Variants in SHANK2 observed in about 807,000 individuals in gnomAD.
SHANK2 encodes SH3 and multiple ankyrin repeat domains protein 2.
A neutral mutation model predicts 133.7 loss-of-function variants in SHANK2; 43 were observed. The observed-to-expected ratio is 0.32, with a 90% CI of 0.25 to 0.41. SHANK2 has a LOEUF of 0.41. Among genes scored for constraint, SHANK2 ranks in the 10% least tolerant of loss-of-function variants. The probability of loss-of-function intolerance (pLI) is 1.00; values close to 1 mark genes in which losing one functional copy is unlikely to be tolerated. For synonymous variants in SHANK2, 1,017 were observed against 952.8 expected (o/e 1.07, Z -1.24); for missense variants, 1,994 against 2,235.8 (o/e 0.89, Z 2.18).
chr11:70,649,400 C>A (rs1005620638), intron 17 of SHANK2, among the ~76,000 whole-genome samples: 5 of 152,178 alleles, frequency 3.3e-5, no homozygotes, highest in Admixed American at 1.3e-4. Context: ...AGCTCTAACT[C>A]CCCTTCTCAT....
chr11:70,487,702 C>T lies in SHANK2; in HGVS notation c.2591G>A (p.Arg864Gln), dbSNP rs782174860. The stretch of plus-strand genomic sequence containing the variant: ...CAGCATTGGAGGAGCCAGAAACTGC[C>T]GCTCTTCCTCTGTTATTCCTACAAG... ...IFLSGITEEE[R>Q]QFLAPPMLKF... The change falls in exon 25 of 26, where the codon CGG becomes CAG. Residue 864 changes from arginine to glutamine, a missense_variant. Transcript: ENST00000601538. The surrounding 1 kb of genome is among the most constrained non-coding windows in gnomAD (Gnocchi z 5.8). The T allele has an allele frequency of 5.1e-6, 8 of 1,565,426 alleles. No homozygotes were observed. Among genetic ancestry groups the T allele is most frequent in the African/African-American group, 2.7e-5 (2 of 73,696 alleles).
At chr11:70,720,610 GAT>G (rs1450614733) in intron 14 of SHANK2, among the ~76,000 whole-genome samples, 1 of 152,236 alleles carries the variant, frequency 6.6e-6, no homozygotes, top group Non-Finnish European at 1.5e-5. Context: ...GAGGGCTGGA[GAT>G]AGAGTTGTTT....
At chr11:70,846,150 G>T (rs1050594940) in intron 11 of SHANK2, among the ~76,000 whole-genome samples, 12 of 152,176 alleles carry the variant, frequency 7.9e-5, no homozygotes, top group African/African-American at 2.9e-4. Flanking sequence ...GCTAAAGAGG[G>T]TGCCGGTGGT....
At chr11:70,911,103 G>T (rs1253041220) in intron 10 of SHANK2, 1 of 456,638 alleles carries the variant, frequency 2.2e-6, no homozygotes, top group African/African-American at 2.0e-5. Context: ...ACAGGCACAG[G>T]TCTCCACATG....
chr11:70,488,452 A>G (rs2058842712), intron 24 of SHANK2, among the ~76,000 whole-genome samples: 1 of 152,128 alleles, frequency 6.6e-6, no homozygotes, highest in African/African-American at 2.4e-5. Flanking sequence ...GAATCCTTTC[A>G]TTGCCTGACT....
intron 2 of SHANK2, among the ~76,000 whole-genome samples, chr11:71,223,392 C>G (rs538372617): frequency 6.6e-6 from 1 of 152,298 alleles, no homozygotes; most frequent in Admixed American, 6.5e-5. Context: ...ACCAACCATG[C>G]GCACATTGGA....
intron 14 of SHANK2, among the ~76,000 whole-genome samples, chr11:70,765,704 C>T (rs1283843941): frequency 3.3e-5 from 5 of 152,268 alleles, no homozygotes; most frequent in South Asian, 2.1e-4. Flanking sequence ...AAATCCCCTG[C>T]GAGAGACCCA....
chr11:70,946,067 C>T (rs1950723859), intron 10 of SHANK2, among the ~76,000 whole-genome samples: 1 of 148,754 alleles, frequency 6.7e-6, no homozygotes, highest in Admixed American at 6.7e-5. Context: ...TCTCCGCTAA[C>T]CAACCCTTCT....
At chr11:70,794,802 C>T (rs987792067) in intron 14 of SHANK2, among the ~76,000 whole-genome samples, 5 of 152,104 alleles carry the variant, frequency 3.3e-5, no homozygotes, top group African/African-American at 9.7e-5. Context: ...GTGATTCACC[C>T]GCCTTGGCCT....
chr11:70,778,967 T>A (rs1555044528), intron 14 of SHANK2, among the ~76,000 whole-genome samples: 1 of 151,762 alleles, frequency 6.6e-6, no homozygotes, highest in Non-Finnish European at 1.5e-5. Flanking sequence ...CAGGAGGGGC[T>A]GTGGAGAAAA....
chr11:70,934,756 C>T (rs1331272879), intron 10 of SHANK2, among the ~76,000 whole-genome samples: 3 of 152,226 alleles, frequency 2.0e-5, no homozygotes, highest in Non-Finnish European at 2.9e-5. Flanking sequence ...GGCTGACATG[C>T]CACGTGTGGG....
Position 71,188,036 on chromosome 11 carries a change from T to C in SHANK2, c.-13+36661A>G, listed in dbSNP as rs1953710842. Among the ~76,000 whole-genome samples, 1 of 152,164 alleles carries C rather than the reference T, an allele frequency of 6.6e-6. No individual in the cohort carries two copies. The highest frequency in any genetic ancestry group is 1.5e-5 in the Non-Finnish European group (1 of 68,018). On this transcript the variant is annotated intron_variant, in intron 2 of 25. Coordinates refer to ENST00000601538, the MANE Select transcript of SHANK2 (RefSeq NM_012309.5). This position sits in a 1 kb window ranked among gnomAD's most constrained non-coding sequence, Gnocchi z 4.6. ...GTGTCTTCTACTGGTATCACGAAACTGAGGTAGGCTAACCTGGCGGGTCAA... is the reference window on the plus strand; with the variant it reads ...GTGTCTTCTACTGGTATCACGAAACCGAGGTAGGCTAACCTGGCGGGTCAA...
chr11:70,768,008 C>T (rs1490672134), intron 14 of SHANK2, among the ~76,000 whole-genome samples: 1 of 151,718 alleles, frequency 6.6e-6, no homozygotes, highest in Admixed American at 6.6e-5. Context: ...GGGCAGGGTG[C>T]TAGAAACAAC....
At chr11:71,184,320 G>A (rs1215698557) in intron 2 of SHANK2, among the ~76,000 whole-genome samples, 3 of 152,128 alleles carry the variant, frequency 2.0e-5, no homozygotes, top group African/African-American at 7.2e-5. Flanking sequence ...AAACAACCAT[G>A]GTCTATTCCA....
At chr11:70,832,357 C>T (rs1555058803) in intron 11 of SHANK2, among the ~76,000 whole-genome samples, 1 of 152,198 alleles carries the variant, frequency 6.6e-6, no homozygotes, top group Non-Finnish European at 1.5e-5. Context: ...TCACATTATC[C>T]TTCTGGGTGC....
intron 10 of SHANK2, among the ~76,000 whole-genome samples, chr11:70,911,376 A>G (rs1950189461): frequency 6.6e-6 from 1 of 152,174 alleles, no homozygotes; most frequent in Non-Finnish European, 1.5e-5. Flanking sequence ...AAAAAACAAA[A>G]AAACAAAAAA....
chr11:70,516,550 G>T (rs1257900728), intron 17 of SHANK2, among the ~76,000 whole-genome samples: 1 of 152,200 alleles, frequency 6.6e-6, no homozygotes, highest in Non-Finnish European at 1.5e-5. Context: ...CTTGAGTTTG[G>T]TGATGATTTC....
At chr11:70,811,155 G>C (rs1288841452) in intron 12 of SHANK2, among the ~76,000 whole-genome samples, 1 of 152,184 alleles carries the variant, frequency 6.6e-6, no homozygotes, top group Non-Finnish European at 1.5e-5. Context: ...CGAGGGGAAA[G>C]GGTGGGTCAA....
intron 17 of SHANK2, among the ~76,000 whole-genome samples, chr11:70,608,776 G>A (rs1264715245): frequency 6.6e-6 from 1 of 152,306 alleles, no homozygotes; most frequent in African/African-American, 2.4e-5. Context: ...GTGTGCAGCC[G>A]ATCAGAGAAT....
Sources: gnomAD v4.1 joint callset for allele counts (sites outside exome capture counted in the v4.1 genomes callset) on GRCh38, gnomAD v4.1.1 for gene constraint, Gnocchi (gnomAD v3.1) non-coding constraint, MANE v1.5 for transcripts, NCBI Gene and HGNC (gene_info 2026-07-23, HGNC 2026-07-21) for gene names.